The following L3MBTL2 variants were observed in gnomAD, a reference collection of about 807,000 sequenced individuals.
L3MBTL2 encodes L3MBTL histone methyl-lysine binding protein 2, also known as lethal(3)malignant brain tumor-like protein 2.
A neutral mutation model predicts 86.4 loss-of-function variants in L3MBTL2; 49 were observed. The ratio of observed to expected loss-of-function variants is 0.57; its 90% confidence interval spans 0.45 to 0.72. The LOEUF is 0.72. Ranked by LOEUF, L3MBTL2 falls within the 30% of genes least tolerant of loss-of-function variation. L3MBTL2 has a pLI of 0.00. For synonymous variants in L3MBTL2, 336 were observed against 350.6 expected (o/e 0.96, Z 0.47); for missense variants, 755 against 923.7 (o/e 0.82, Z 2.37).
chr22:41,222,171 G>A (rs2031874802), intron 8 of L3MBTL2, among the ~76,000 whole-genome samples: 1 of 152,232 alleles, frequency 6.6e-6, no homozygotes, highest in South Asian at 2.1e-4. Context: ...CCAAAGTGCT[G>A]GGATTATAGG....
At chr22:41,217,233 C>T (rs769361987) in intron 5 of L3MBTL2, 31 bp downstream of exon 5, 29 of 1,562,786 alleles carry the variant, frequency 1.9e-5, no homozygotes, top group Admixed American at 1.7e-5. Flanking sequence ...GGAGGGAGGC[C>T]GGGGAGCCGG....
Position 41,209,868 on chromosome 22 carries a change from C to T in L3MBTL2, c.197C>T (p.Thr66Ile), listed in dbSNP as rs150955023. The change falls in exon 2 of 17, where the codon ACC (threonine) becomes ATC (isoleucine). Residue 66 changes from threonine to isoleucine, a missense_variant. Physicochemically the swap from Thr to Ile is moderately conservative, Grantham distance 89. Around this residue, in one of 3 missense-constraint regions of L3MBTL2, gnomAD observed 103 missense variants for 105.2 expected, o/e 0.98. Transcript: ENST00000216237. ...GATCGGGAAGCAGGGGAACTGCCGACCTCCCCGCTGCATTTGCTCAGCCCT... is the reference window on the plus strand; with the variant it reads ...GATCGGGAAGCAGGGGAACTGCCGATCTCCCCGCTGCATTTGCTCAGCCCT... The part of the protein sequence containing the change: ...NEDREAGELP[T>I]SPLHLLSPGT... The T allele has an allele frequency of 3.0e-5, 49 of 1,614,020 alleles. No homozygotes were observed. The highest frequency in any genetic ancestry group is 4.1e-5 in the Non-Finnish European group (48 of 1,180,028).
intron 6 of L3MBTL2, among the ~76,000 whole-genome samples, chr22:41,220,469 C>T (rs1198043052): frequency 6.6e-6 from 1 of 151,964 alleles, no homozygotes; most frequent in Non-Finnish European, 1.5e-5. Flanking sequence ...GGGCAGATCA[C>T]GAGGTCGGGA....
At chr22:41,230,002 C>A in intron 16 of L3MBTL2, 137 bp from the exon 17 acceptor site, 1 of 720,310 alleles carries the variant, frequency 1.4e-6, no homozygotes. Context: ...ACTGCCCTCC[C>A]AGAAGGGAAG....
chr22:41,223,987 C>T (rs747228460), intron 8 of L3MBTL2, 33 bp from the exon 9 acceptor site: 2 of 1,556,726 alleles, frequency 1.3e-6, no homozygotes, highest in Admixed American at 1.7e-5. Flanking sequence ...GAGCCCTGAG[C>T]CATAGCAGGC....
At chr22:41,223,991 A>C in intron 8 of L3MBTL2, 29 bp from the exon 9 acceptor site, 21 of 1,538,076 alleles carry the variant, frequency 1.4e-5, no homozygotes, top group Non-Finnish European at 1.7e-5. Context: ...CCTGAGCCAT[A>C]GCAGGCCTGT....
chr22:41,222,628 AC>A (rs1399831463), intron 8 of L3MBTL2, among the ~76,000 whole-genome samples: 1 of 151,974 alleles, frequency 6.6e-6, no homozygotes, highest in Non-Finnish European at 1.5e-5. Context: ...AAAAAAAAAA[AC>A]ATTAGCTAGG....
chr22:41,229,788 C>T, intron 16 of L3MBTL2, 132 bp downstream of exon 16: 1 of 1,451,906 alleles, frequency 6.9e-7, no homozygotes, highest in Non-Finnish European at 9.5e-7. Flanking sequence ...CCAAGCAGTC[C>T]TGTACCACTG....
rs770381464 is a variant in L3MBTL2, at chr22:41,209,723, G to A, written c.52G>A (p.Glu18Lys). ...GACCCCATCTTCAGAACCAATGGAGGAAGAGGAAGATGACGACTTGGAGCT... is the reference window on the plus strand; with the variant it reads ...GACCCCATCTTCAGAACCAATGGAGAAAGAGGAAGATGACGACTTGGAGCT... The part of the protein sequence containing the change: ...EETPSSEPME[E>K]EEDDDLELFG... Residue 18 changes from glutamate (E) to lysine (K), a missense_variant, in exon 2 of 17, where the codon GAA becomes AAA. Physicochemically the swap from Glu to Lys is moderately conservative, Grantham distance 56 (BLOSUM62 1). Coordinates refer to ENST00000216237, the MANE Select transcript of L3MBTL2 (RefSeq NM_031488.5). 6 of 1,614,194 alleles carry A rather than the reference G, an allele frequency of 3.7e-6. No homozygotes were observed. The Admixed American group carries it at 1.0e-4, about 27-fold the overall frequency.
In L3MBTL2 at chr22:41,229,685, G is replaced by T. The variant is rs2032446477; in HGVS notation, c.2005+29G>T. 14 of 1,612,906 alleles carry T rather than the reference G, an allele frequency of 8.7e-6. No homozygotes were observed. The East Asian group carries it at 3.1e-4, about 36-fold the overall frequency. Reference sequence around the variant, plus strand: ...AGAGCCACCGGGCTGGGTCAAGGCAGGACCAGCCTGCTCCGTGCTCAGAGA... The same window carrying T: ...AGAGCCACCGGGCTGGGTCAAGGCATGACCAGCCTGCTCCGTGCTCAGAGA... On this transcript the variant is annotated intron_variant, in intron 16 of 16. Coordinates refer to ENST00000216237, the MANE Select transcript of L3MBTL2 (RefSeq NM_031488.5).
At chr22:41,226,847 A>G (rs768192447) in intron 13 of L3MBTL2, 103 bp downstream of exon 13, 43 of 916,050 alleles carry the variant, frequency 4.7e-5, no homozygotes, top group Non-Finnish European at 6.5e-5. Context: ...TCGAATCTCT[A>G]CTGCTGACAT....
chr22:41,227,335 C>T lies in L3MBTL2; in HGVS notation c.1822+12C>T, dbSNP rs759746367. ...TCCTGTGGCCGCAGGTGTGGGCTCT[C>T]GTGGCCCTAAGAGGCTCTGACTTTC... On this transcript the variant is annotated intron_variant, in intron 14 of 16. Transcript: ENST00000216237. This position sits in a 1 kb window ranked among gnomAD's most constrained non-coding sequence, Gnocchi z 6.0. 8.2e-6 allele frequency: 13 copies of T among 1,579,378 alleles called. No homozygotes were observed. The highest frequency in any genetic ancestry group is 5.5e-5 in the Admixed American group (3 of 54,892).
intron 2 of L3MBTL2, among the ~76,000 whole-genome samples, chr22:41,210,817 A>C (rs2030709947): frequency 6.6e-6 from 1 of 152,222 alleles, no homozygotes; most frequent in African/African-American, 2.4e-5. Flanking sequence ...ACTAATGTGT[A>C]TTCAGCACAG....
intron 1 of L3MBTL2, among the ~76,000 whole-genome samples, chr22:41,207,052 A>G (rs939436950): frequency 2.0e-5 from 3 of 152,182 alleles, no homozygotes; most frequent in Non-Finnish European, 4.4e-5. Context: ...TGATGACAGC[A>G]GCAAGATAAA....
At chr22:41,211,201 C>CT (rs542132295) in intron 2 of L3MBTL2, among the ~76,000 whole-genome samples, 3 of 152,106 alleles carry the variant, frequency 2.0e-5, no homozygotes, top group East Asian at 3.9e-4. Context: ...AGATCCCAAA[C>CT]TTTTTTTGTT....
chr22:41,217,266 G>C, intron 5 of L3MBTL2, 64 bp downstream of exon 5: 1 of 1,301,706 alleles, frequency 7.7e-7, no homozygotes, highest in South Asian at 1.2e-5. Flanking sequence ...TCCTCCACCT[G>C]CTTCACCAGG....
chr22:41,221,037 G>A (rs181237171), intron 7 of L3MBTL2, among the ~76,000 whole-genome samples, 162 bp from the exon 8 acceptor site: 60 of 152,312 alleles, frequency 3.9e-4, no homozygotes, highest in Non-Finnish European at 5.9e-4. Flanking sequence ...GCAGATCCAC[G>A]TGTGGAATCT....
chr22:41,206,761 T>C (rs1419155643), intron 1 of L3MBTL2, among the ~76,000 whole-genome samples: 1 of 151,180 alleles, frequency 6.6e-6, no homozygotes, highest in East Asian at 1.9e-4. Flanking sequence ...ATCGGGCCAC[T>C]GCACCACTGC....
chr22:41,205,706 G>A (rs1193554091), intron 1 of L3MBTL2, among the ~76,000 whole-genome samples: 1 of 152,134 alleles, frequency 6.6e-6, no homozygotes, highest in African/African-American at 2.4e-5. Context: ...TAGGGCTTGT[G>A]AGGCCTGTTA....
Sources: gnomAD v4.1 joint callset for allele counts (sites outside exome capture counted in the v4.1 genomes callset) on GRCh38, gnomAD v4.1.1 for gene constraint, gnomAD v4.1.1 regional missense constraint, Gnocchi (gnomAD v3.1) non-coding constraint, MANE v1.5 for transcripts, NCBI Gene and HGNC (gene_info 2026-07-23, HGNC 2026-07-21) for gene names.